Variants in SGCD observed in about 807,000 individuals in gnomAD.
The protein encoded by SGCD is delta-sarcoglycan.
Under a neutral mutation model 36.6 loss-of-function variants are expected in SGCD, and 18 were observed. That is an observed-to-expected ratio of 0.49 (90% CI 0.34 to 0.73). The LOEUF (loss-of-function observed/expected upper bound fraction) is 0.73. Ranked by LOEUF, SGCD falls within the 30% of genes least tolerant of loss-of-function variation. The pLI is 0.01. For synonymous variants in SGCD, 133 were observed against 130.6 expected (o/e 1.02, Z -0.12); for missense variants, 387 against 346.7 (o/e 1.12, Z -0.92).
chr5:156,095,613 G>A (rs140987200), intron 1 of SGCD, among the ~76,000 whole-genome samples: 21 of 152,192 alleles, frequency 1.4e-4, no homozygotes, highest in African/African-American at 3.6e-4. Flanking sequence ...TCATAAGCGC[G>A]GTGGAAACTG....
At chr5:156,241,584 T>A (rs1765309414) in intron 3 of SGCD, among the ~76,000 whole-genome samples, 1 of 152,204 alleles carries the variant, frequency 6.6e-6, no homozygotes, top group Non-Finnish European at 1.5e-5. Context: ...TTAAGAACTT[T>A]CCCAGCATTT....
rs1391391976 is a variant in SGCD, at chr5:156,765,427, C to T, written c.*6037C>T. ...GGGGGCCATAGATTCTTTTGACAAT[C>T]TGAGCCAATCTATGAAACTTCTCCC... is the stretch of plus-strand genomic sequence containing the variant. On this transcript the variant is annotated 3_prime_UTR_variant, in exon 9 of 9. Transcript: ENST00000337851. The T allele has an allele frequency of 6.6e-6, 1 of 152,138 alleles. No homozygotes were observed. Among genetic ancestry groups the T allele is most frequent in the Non-Finnish European group, 1.5e-5 (1 of 68,034 alleles). 9.4% of individuals were successfully genotyped at this position (152,138 alleles called of 1,614,324 possible).
intron 4 of SGCD, among the ~76,000 whole-genome samples, chr5:156,554,045 A>T (rs1758901767): frequency 6.6e-6 from 1 of 152,154 alleles, no homozygotes; most frequent in South Asian, 2.1e-4. Context: ...TCTGAAAACA[A>T]GTGAGTGCAG....
intron 1 of SGCD, among the ~76,000 whole-genome samples, chr5:156,101,916 G>A (rs1166433688): frequency 4.0e-5 from 6 of 149,454 alleles, no homozygotes; most frequent in Non-Finnish European, 1.5e-5. Flanking sequence ...GTGTGTGTGT[G>A]TGTGTGTGTG....
At chr5:156,281,684 AAT>A (rs1766457510) in intron 3 of SGCD, among the ~76,000 whole-genome samples, 1 of 152,170 alleles carries the variant, frequency 6.6e-6, no homozygotes, top group South Asian at 2.1e-4. Flanking sequence ...AAACATATAA[AAT>A]ATCAGGTGTA....
chr5:156,579,595 C>T (rs996866529), intron 4 of SGCD, among the ~76,000 whole-genome samples: 1 of 152,070 alleles, frequency 6.6e-6, no homozygotes, highest in East Asian at 1.9e-4. Context: ...TCTGGGTGCT[C>T]CTGTATTGGG....
chr5:155,738,347 G>A, the SGCD span, among the ~76,000 whole-genome samples: 1 of 152,072 alleles, frequency 6.6e-6, no homozygotes, highest in Non-Finnish European at 1.5e-5. Flanking sequence ...CCTTTTCCTG[G>A]TACAACTATG....
At chr5:156,588,066 G>A (rs902660751) in intron 4 of SGCD, among the ~76,000 whole-genome samples, 3 of 151,744 alleles carry the variant, frequency 2.0e-5, no homozygotes, top group Non-Finnish European at 4.4e-5. Context: ...GGTTCCAAAA[G>A]CCAGGAATGG....
intron 3 of SGCD, among the ~76,000 whole-genome samples, chr5:156,385,594 A>G (rs1333640845): frequency 6.6e-6 from 1 of 152,218 alleles, no homozygotes; most frequent in Non-Finnish European, 1.5e-5. Context: ...AGGATATTAG[A>G]GTTAGAGAAG....
intron 3 of SGCD, among the ~76,000 whole-genome samples, chr5:156,279,141 A>C (rs1252523845): frequency 6.6e-6 from 1 of 152,152 alleles, no homozygotes; most frequent in African/African-American, 2.4e-5. Flanking sequence ...AAGAATGTTT[A>C]TTGGCTTTGT....
intron 6 of SGCD, among the ~76,000 whole-genome samples, chr5:156,611,512 C>T (rs558015670): frequency 9.9e-5 from 15 of 152,230 alleles, no homozygotes; most frequent in African/African-American, 3.4e-4. Flanking sequence ...TATGACTTGA[C>T]ACATTTTTCT....
At chr5:155,840,411 A>ATTTTTTTTTTTTT in the SGCD span, among the ~76,000 whole-genome samples, 1 of 138,892 alleles carries the variant, frequency 7.2e-6, no homozygotes. Context: ...GCCCAGCTAA[A>ATTTTTTTTTTTTT]TTTTTTTTTT....
At chr5:156,078,884 C>T (rs76525873) in intron 1 of SGCD, among the ~76,000 whole-genome samples, 9,895 of 151,098 alleles carry the variant, frequency 0.065, 1,029 homozygotes, top group African/African-American at 0.22. Context: ...AATTTTATCA[C>T]TGTGTAGGTT....
chr5:155,824,146 T>C, the SGCD span, among the ~76,000 whole-genome samples: 1 of 152,166 alleles, frequency 6.6e-6, no homozygotes, highest in Non-Finnish European at 1.5e-5. Flanking sequence ...GAAGAAACGA[T>C]ATGGTTCTGT....
intron 4 of SGCD, among the ~76,000 whole-genome samples, chr5:156,530,832 C>G (rs1757858523): frequency 6.6e-6 from 1 of 151,960 alleles, no homozygotes; most frequent in African/African-American, 2.4e-5. Context: ...CCCATCTCGG[C>G]CTCCCAAAGT....
chr5:156,023,918 G>T (rs1276906354), intron 1 of SGCD, among the ~76,000 whole-genome samples: 1 of 152,178 alleles, frequency 6.6e-6, no homozygotes, highest in African/African-American at 2.4e-5. Flanking sequence ...CGCTTCTCAA[G>T]AGAGGTTTAG....
chr5:156,337,616 G>T (rs1412561660), intron 2 of SGCD, among the ~76,000 whole-genome samples: 1 of 152,126 alleles, frequency 6.6e-6, no homozygotes, highest in Non-Finnish European at 1.5e-5. Context: ...TCCATGACCA[G>T]AGTGGTTCAC....
chr5:156,136,907 A>T (rs541518988), intron 3 of SGCD, among the ~76,000 whole-genome samples: 58 of 152,352 alleles, frequency 3.8e-4, no homozygotes, highest in African/African-American at 1.2e-3. Flanking sequence ...ATAGAAAAAA[A>T]TATAATTTTG....
chr5:156,080,820 C>T (rs1308909708), intron 1 of SGCD, among the ~76,000 whole-genome samples: 3 of 152,190 alleles, frequency 2.0e-5, no homozygotes, highest in Non-Finnish European at 2.9e-5. Flanking sequence ...TTTAACCAGT[C>T]TTTAAAAATT....
Sources: allele counts gnomAD v4.1 joint callset (sites outside exome capture counted in the v4.1 genomes callset), GRCh38; gene constraint gnomAD v4.1.1; transcripts MANE v1.5; gene names NCBI Gene and HGNC (gene_info 2026-07-23, HGNC 2026-07-21).